Variants in SGMS1 observed in about 807,000 individuals in gnomAD.
SGMS1 encodes the protein sphingomyelin synthase 1, also known as phosphatidylcholine:ceramide cholinephosphotransferase 1.
SGMS1 carries 13 observed loss-of-function variants against 46.2 expected under a neutral mutation model. That is an observed-to-expected ratio of 0.28 (90% CI 0.18 to 0.45). The LOEUF (loss-of-function observed/expected upper bound fraction) is 0.45. Among genes scored for constraint, SGMS1 ranks in the 20% least tolerant of loss-of-function variants. The pLI, the probability that SGMS1 is intolerant of heterozygous loss-of-function variation, is 1.00. For missense variants in SGMS1, 324 were observed against 519.9 expected (o/e 0.62, Z 3.66); for synonymous variants, 203 against 187.8 (o/e 1.08, Z -0.66).
intron 5 of SGMS1, among the ~76,000 whole-genome samples, chr10:50,459,135 C>T (rs11005780): frequency 0.036 from 5,402 of 152,124 alleles, 332 homozygotes; most frequent in African/African-American, 0.12. Context: ...TATAAAAGTC[C>T]ACTCCCGTCT....
At chr10:50,491,609 T>A (rs1588851893) in intron 3 of SGMS1, among the ~76,000 whole-genome samples, 2 of 152,264 alleles carry the variant, frequency 1.3e-5, no homozygotes, top group East Asian at 3.9e-4. Context: ...CTCCCAAGAT[T>A]GAGTTGGGAA....
At chr10:50,546,764 C>T (rs952808343) in intron 2 of SGMS1, among the ~76,000 whole-genome samples, 5 of 151,926 alleles carry the variant, frequency 3.3e-5, no homozygotes, top group Admixed American at 6.6e-5. Context: ...GGAGATATAC[C>T]CAATGTAAAT....
At chr10:50,379,596 C>T (rs1848573121) in intron 6 of SGMS1, among the ~76,000 whole-genome samples, 1 of 152,048 alleles carries the variant, frequency 6.6e-6, no homozygotes, top group Admixed American at 6.6e-5. Context: ...ACATATCATT[C>T]TATGCTTTCA....
At chr10:50,363,307 GCC>G (rs1433168564) in intron 6 of SGMS1, among the ~76,000 whole-genome samples, 1 of 152,140 alleles carries the variant, frequency 6.6e-6, no homozygotes, top group Non-Finnish European at 1.5e-5. Flanking sequence ...GATCTGGCAG[GCC>G]CAAAACAAGG....
chr10:50,446,148 A>G (rs1167232003), intron 5 of SGMS1, among the ~76,000 whole-genome samples: 2 of 151,796 alleles, frequency 1.3e-5, no homozygotes, highest in African/African-American at 4.9e-5. Flanking sequence ...AGCAATTTTA[A>G]TTTTGCCCCG....
chr10:50,588,760 C>T (rs185199146), intron 2 of SGMS1, among the ~76,000 whole-genome samples: 26 of 143,850 alleles, frequency 1.8e-4, no homozygotes, highest in Admixed American at 1.6e-3. Context: ...GACAGGGTCC[C>T]ACTCTGTCAC....
chr10:50,457,833 C>T (rs1000265942), intron 5 of SGMS1, among the ~76,000 whole-genome samples: 8 of 152,026 alleles, frequency 5.3e-5, no homozygotes, highest in African/African-American at 1.9e-4. Flanking sequence ...ATTTTATTTA[C>T]GGAAAAGAAA....
intron 3 of SGMS1, among the ~76,000 whole-genome samples, chr10:50,476,126 TAGCC>T (rs1416693476): frequency 3.4e-5 from 2 of 59,152 alleles, no homozygotes; most frequent in Non-Finnish European, 7.3e-5. Flanking sequence ...AAAAAAAAAT[TAGCC>T]AGGCATGGTG....
chr10:50,422,431 G>C (rs941127945), intron 6 of SGMS1, among the ~76,000 whole-genome samples: 2 of 152,098 alleles, frequency 1.3e-5, no homozygotes, highest in Admixed American at 1.3e-4. Flanking sequence ...GCTCTTTGTG[G>C]CATGTTCCAA....
chr10:50,624,789 C>T (rs1588897042), upstream of SGMS1: 1 of 986,438 alleles, frequency 1.0e-6, no homozygotes, highest in Non-Finnish European at 1.2e-6. Flanking sequence ...GGCCTTCCCG[C>T]CCCGATGCCC....
intron 3 of SGMS1, among the ~76,000 whole-genome samples, chr10:50,505,241 A>T (rs776371835): frequency 2.6e-5 from 4 of 152,172 alleles, no homozygotes; most frequent in Non-Finnish European, 4.4e-5. Context: ...AAATTAAATT[A>T]AAAAGTCAAC....
At chr10:50,526,025 G>T (rs1274009736) in intron 2 of SGMS1, among the ~76,000 whole-genome samples, 1 of 152,162 alleles carries the variant, frequency 6.6e-6, no homozygotes, top group African/African-American at 2.4e-5. Flanking sequence ...TTCGCTACAG[G>T]CCAAAAGTCA....
rs907405642 is a variant in SGMS1 at position 50,327,089 on chromosome 10, T to C, written c.741+116A>G. 9.6e-6 allele frequency: 6 copies of C among 627,888 alleles called. No individual in the cohort carries two copies. In the Admixed American group the frequency reaches 1.0e-4, roughly 11 times the overall value. The allele number at this position is 627,888 out of a possible 1,614,324, so 38.9% of individuals were successfully genotyped here. On this transcript the variant is annotated intron_variant, in intron 8 of 10. Transcript: ENST00000361781. Reference sequence around the variant, plus strand: ...CATATCATTTAGTAACATTCTCAGATAGAGGAGTGACTCCACTGTATTCTG... The same window carrying C: ...CATATCATTTAGTAACATTCTCAGACAGAGGAGTGACTCCACTGTATTCTG...
chr10:50,593,333 A>G (rs1445937474), intron 1 of SGMS1, among the ~76,000 whole-genome samples: 1 of 152,170 alleles, frequency 6.6e-6, no homozygotes, highest in African/African-American at 2.4e-5. Flanking sequence ...GCTGCTCCCA[A>G]ATTCCTGGCC....
intron 6 of SGMS1, among the ~76,000 whole-genome samples, chr10:50,404,155 T>A (rs1848980218): frequency 6.6e-6 from 1 of 152,004 alleles, no homozygotes; most frequent in African/African-American, 2.4e-5. Flanking sequence ...GTGAGCAGTT[T>A]ACAGAAAGAA....
chr10:50,407,559 C>G (rs1249690337), intron 6 of SGMS1, among the ~76,000 whole-genome samples: 1 of 152,122 alleles, frequency 6.6e-6, no homozygotes, highest in Non-Finnish European at 1.5e-5. Flanking sequence ...TCCCTTCAAC[C>G]TGGGGTTGGT....
At chr10:50,374,410 G>A (rs957415268) in intron 6 of SGMS1, among the ~76,000 whole-genome samples, 2 of 151,892 alleles carry the variant, frequency 1.3e-5, no homozygotes, top group Admixed American at 6.6e-5. Flanking sequence ...ATATGAGAGT[G>A]CACTCTCTCC....
At chr10:50,440,059 T>C (rs1169029898) in intron 5 of SGMS1, among the ~76,000 whole-genome samples, 6 of 152,164 alleles carry the variant, frequency 3.9e-5, no homozygotes, top group African/African-American at 1.4e-4. Context: ...CAAAGATTTC[T>C]GGTATGTATT....
intron 3 of SGMS1, among the ~76,000 whole-genome samples, chr10:50,496,369 G>A (rs1444696608): frequency 6.6e-6 from 1 of 152,122 alleles, no homozygotes; most frequent in Non-Finnish European, 1.5e-5. Context: ...AAATGCCTAA[G>A]GGACTGTATG....
Sources: gnomAD v4.1 joint callset for allele counts (sites outside exome capture counted in the v4.1 genomes callset) on GRCh38, gnomAD v4.1.1 for gene constraint, MANE v1.5 for transcripts, NCBI Gene and HGNC (gene_info 2026-07-23, HGNC 2026-07-21) for gene names.